Variants in NCOA3 observed in about 807,000 individuals in gnomAD.
NCOA3 encodes nuclear receptor coactivator 3.
A neutral mutation model predicts 158.8 loss-of-function variants in NCOA3; 51 were observed. The observed-to-expected ratio is 0.32, with a 90% confidence interval of 0.26 to 0.41. NCOA3 has a LOEUF of 0.41. Ranked by LOEUF, NCOA3 falls within the 10% of genes least tolerant of loss-of-function variation. The pLI, the probability that NCOA3 is intolerant of heterozygous loss-of-function variation, is 1.00. For missense variants in NCOA3, 1,510 were observed against 1,746.6 expected, an observed-to-expected ratio of 0.86 and a Z score of 2.41; for synonymous variants, 537 against 592.4, an observed-to-expected ratio of 0.91 and a Z score of 1.36.
chr20:47,515,198 C>T (rs1032483806), intron 1 of NCOA3, among the ~76,000 whole-genome samples: 1 of 151,370 alleles, frequency 6.6e-6, no homozygotes, highest in African/African-American at 2.4e-5. Flanking sequence ...GAGTCTCGCT[C>T]TGTTGCCCAC....
In NCOA3 at chr20:47,547,157, T is replaced by C. The variant is rs536262642; in HGVS notation, c.-98-36026T>C. On this transcript the variant is annotated intron_variant, in intron 1 of 22. Coordinates refer to ENST00000371998, the MANE Select transcript of NCOA3 (RefSeq NM_181659.3). Reference sequence around the variant, plus strand: ...ACAAGAACAAGAATCCTAGTCCCCATTGCTCACTGACATATCTCAAACACT... The same window carrying C: ...ACAAGAACAAGAATCCTAGTCCCCACTGCTCACTGACATATCTCAAACACT... Among the ~76,000 whole-genome samples the C allele has an allele frequency of 3.9e-5, 6 of 152,244 alleles. No homozygotes were observed. In the East Asian group the frequency reaches 1.2e-3, roughly 29 times the overall value.
At chr20:47,649,879 GT>G (rs558739176) in intron 19 of NCOA3, among the ~76,000 whole-genome samples, 5 of 151,876 alleles carry the variant, frequency 3.3e-5, no homozygotes, top group African/African-American at 4.8e-5. Context: ...CTTCCTTGTT[GT>G]ACTTCAGTTA....
intron 1 of NCOA3, among the ~76,000 whole-genome samples, chr20:47,563,508 A>C (rs887282748): frequency 2.6e-5 from 4 of 152,218 alleles, no homozygotes; most frequent in African/African-American, 9.6e-5. Context: ...TACAGTAATT[A>C]AACCATGCCC....
At chr20:47,621,100 T>C (rs2086233103) in intron 2 of NCOA3, among the ~76,000 whole-genome samples, 1 of 152,206 alleles carries the variant, frequency 6.6e-6, no homozygotes, top group African/African-American at 2.4e-5. Flanking sequence ...CATCTCAGCT[T>C]TTTAGCCTTT....
chr20:47,532,832 G>A (rs910428739), intron 1 of NCOA3, among the ~76,000 whole-genome samples: 1 of 151,844 alleles, frequency 6.6e-6, no homozygotes, highest in Non-Finnish European at 1.5e-5. Context: ...GGCTGGGCAC[G>A]GTGGCTCACA....
rs1556556371 is a variant in NCOA3, at chr20:47,511,550, T to TATATACATAC, written c.-99+9536_-99+9537insCATACATATA. On this transcript the variant is annotated intron_variant, in intron 1 of 22. Coordinates refer to ENST00000371998, the MANE Select transcript of NCOA3 (RefSeq NM_181659.3). ...ATATATATATATATATATATATATA[T>TATATACATAC]ATATATTTCTTTTTTTTTTTGAGAC... 4.0e-4 allele frequency among the ~76,000 whole-genome samples: 21 copies of TATATACATAC among 52,270 alleles called. 6 individuals are homozygous for TATATACATAC. Among genetic ancestry groups the TATATACATAC allele is most frequent in the Admixed American group, 1.9e-3 (6 of 3,118 alleles). 34.3% of individuals were successfully genotyped at this position (52,270 alleles called of 152,430 possible).
At chr20:47,644,734 A>G (rs532297057) in intron 17 of NCOA3, among the ~76,000 whole-genome samples, 89 of 150,470 alleles carry the variant, frequency 5.9e-4, no homozygotes, top group Admixed American at 1.3e-3. Flanking sequence ...GTCTCTCCCT[A>G]TCGCCCAGGC....
chr20:47,534,105 A>T, intron 1 of NCOA3, among the ~76,000 whole-genome samples: 1 of 69,868 alleles, frequency 1.4e-5, no homozygotes, highest in African/African-American at 4.6e-5. Flanking sequence ...TGATGGTTTC[A>T]GTGGGGGGGG....
chr20:47,503,817 C>T (rs2083981775), intron 1 of NCOA3, among the ~76,000 whole-genome samples: 6 of 152,116 alleles, frequency 3.9e-5, no homozygotes, highest in Admixed American at 3.3e-4. Flanking sequence ...CACTATAGCT[C>T]CTGTCACTAG....
rs71183263 is a variant in NCOA3, at chr20:47,558,232, A to ATTTTTT, written c.-98-24927_-98-24922dup. On this transcript the variant is annotated intron_variant, in intron 1 of 22. Coordinates refer to ENST00000371998, the MANE Select transcript of NCOA3 (RefSeq NM_181659.3). The stretch of plus-strand genomic sequence containing the variant: ...CACCTCCACGCCCAGCTAATTTTGT[A>ATTTTTT]TTTTTTTTTTTTTTTTTTTTTTTTT... Among the ~76,000 whole-genome samples the ATTTTTT allele has an allele frequency of 2.2e-3, 121 of 55,522 alleles. 6 individuals carry two copies. Among genetic ancestry groups the ATTTTTT allele is most frequent in the African/African-American group, 6.4e-3 (99 of 15,478 alleles). The allele number at this position is 55,522 out of a possible 152,430, so 36.4% of individuals were successfully genotyped here. A position where few individuals can be genotyped will look rare whatever the true frequency, so the allele number is the denominator to read the frequency against.
chr20:47,548,900 G>A (rs576426906), intron 1 of NCOA3, among the ~76,000 whole-genome samples: 50 of 152,146 alleles, frequency 3.3e-4, no homozygotes, highest in Middle Eastern at 3.4e-3. Context: ...ATTTTAAAGG[G>A]TCTCCTAAAA....
Position 47,651,287 on chromosome 20 carries a change from C to T in NCOA3, c.3946+11C>T. ...ATCAACCAAATTATGGTAAATCTGA[C>T]AATGAAAATGTGCCTTCCCCAAGTT... On this transcript the variant is annotated intron_variant, in intron 20 of 22. Transcript: ENST00000371998. 1 of 1,591,272 alleles carries T rather than the reference C, an allele frequency of 6.3e-7. No individual in the cohort carries two copies. The highest frequency in any genetic ancestry group is 8.6e-7 in the Non-Finnish European group (1 of 1,164,584).
chr20:47,508,060 G>T (rs1179823631), intron 1 of NCOA3, among the ~76,000 whole-genome samples: 5 of 151,906 alleles, frequency 3.3e-5, no homozygotes, highest in East Asian at 1.9e-4. Context: ...TAAAAAAAAG[G>T]GATAGTAATG....
chr20:47,620,651 A>C (rs1270039111), intron 2 of NCOA3, among the ~76,000 whole-genome samples: 3 of 152,270 alleles, frequency 2.0e-5, no homozygotes, highest in East Asian at 1.9e-4. Context: ...TCTGAGGATA[A>C]TTTGCATATG....
rs371537794 is a variant in NCOA3, at chr20:47,522,914, G to C, written c.-99+20895G>C. Among the ~76,000 whole-genome samples the C allele has an allele frequency of 2.0e-5, 3 of 150,026 alleles. No homozygotes were observed. In the South Asian group the frequency reaches 6.3e-4, roughly 32 times the overall value. On this transcript the variant is annotated intron_variant, in intron 1 of 22. Coordinates refer to ENST00000371998, the MANE Select transcript of NCOA3 (RefSeq NM_181659.3). ...CTTTAAAAAAAAAAAAAACGAGCCC[G>C]GCGCGGTGGCTCACCCCTGTAATGC... is the stretch of plus-strand genomic sequence containing the variant.
intron 1 of NCOA3, among the ~76,000 whole-genome samples, chr20:47,567,706 A>AT (rs916927120): frequency 1.2e-4 from 18 of 152,176 alleles, no homozygotes; most frequent in African/African-American, 4.1e-4. Flanking sequence ...AGTAGCTGGG[A>AT]TTACAGGTAC....
At chr20:47,538,209 GA>G (rs944874803) in intron 1 of NCOA3, among the ~76,000 whole-genome samples, 5 of 152,078 alleles carry the variant, frequency 3.3e-5, no homozygotes, top group South Asian at 4.1e-4. Flanking sequence ...AACTTTGGGG[GA>G]AAAAAACCCA....
intron 1 of NCOA3, among the ~76,000 whole-genome samples, chr20:47,503,516 T>C (rs1448732443): frequency 1.3e-5 from 2 of 152,172 alleles, no homozygotes; most frequent in African/African-American, 2.4e-5. Context: ...CCTTGGTCTT[T>C]GGAATAATTA....
chr20:47,530,757 G>A (rs1450448515), intron 1 of NCOA3, among the ~76,000 whole-genome samples: 1 of 152,088 alleles, frequency 6.6e-6, no homozygotes, highest in African/African-American at 2.4e-5. Context: ...GGGCCACTGC[G>A]CCTGGCCAAC....
Sources: allele counts gnomAD v4.1 joint callset (sites outside exome capture counted in the v4.1 genomes callset), GRCh38; gene constraint gnomAD v4.1.1; transcripts MANE v1.5; gene names NCBI Gene and HGNC (gene_info 2026-07-23, HGNC 2026-07-21).